REDIC1: variants seen among roughly 807,000 people sequenced by gnomAD.
REDIC1 encodes HEI10 Interacting Protein 1.
the REDIC1 span, among the ~76,000 whole-genome samples, chr12:39,888,926 T>C: frequency 6.6e-5 from 10 of 152,204 alleles, no homozygotes; most frequent in African/African-American, 2.4e-4. Context: ...TTCAAATAAA[T>C]ATATAATAGT....
chr12:39,820,925 G>A, the REDIC1 span, among the ~76,000 whole-genome samples: 1 of 151,392 alleles, frequency 6.6e-6, no homozygotes, highest in Non-Finnish European at 1.5e-5. Flanking sequence ...TGAACCTAAA[G>A]CCACTCACAT....
At chr12:39,790,303 C>G in the REDIC1 span, among the ~76,000 whole-genome samples, 1 of 150,966 alleles carries the variant, frequency 6.6e-6, no homozygotes, top group African/African-American at 2.4e-5. Flanking sequence ...ATGTGCTGTG[C>G]TGGTGCGCTG....
the REDIC1 span, among the ~76,000 whole-genome samples, chr12:39,690,859 T>A: frequency 6.6e-6 from 1 of 152,198 alleles, no homozygotes; most frequent in Non-Finnish European, 1.5e-5. Context: ...TAGTGTCTTG[T>A]CCTTTAGGAA....
chr12:39,711,591 A>ATACACATGCATGTG, the REDIC1 span, among the ~76,000 whole-genome samples: 35 of 26,062 alleles, frequency 1.3e-3, 1 homozygote, highest in Admixed American at 2.4e-3. Flanking sequence ...ATGCATGTGT[A>ATACACATGCATGTG]TATGTGTATA....
At chr12:39,713,106 CG>C in the REDIC1 span, among the ~76,000 whole-genome samples, 1 of 147,548 alleles carries the variant, frequency 6.8e-6, no homozygotes, top group Non-Finnish European at 1.5e-5. Flanking sequence ...TGTGCATATA[CG>C]TATATATGTA....
the REDIC1 span, chr12:39,760,340 C>CTGG: frequency 8.1e-7 from 1 of 1,241,838 alleles, no homozygotes; most frequent in Admixed American, 2.3e-5. Context: ...CTTTTTTTTT[C>CTGG]TGGTCAGTCA....
At chr12:39,704,493 C>G in the REDIC1 span, among the ~76,000 whole-genome samples, 1 of 152,286 alleles carries the variant, frequency 6.6e-6, no homozygotes, top group Admixed American at 6.5e-5. Flanking sequence ...ACTAGTTCAA[C>G]CATTGTAGAA....
At chr12:39,706,568 A>G in the REDIC1 span, among the ~76,000 whole-genome samples, 19 of 152,020 alleles carry the variant, frequency 1.2e-4, no homozygotes, top group African/African-American at 3.9e-4. Flanking sequence ...CTACAGAACT[A>G]TAGTAACCAA....
the REDIC1 span, chr12:39,647,006 C>T: frequency 3.4e-4 from 199 of 591,650 alleles, 2 homozygotes; most frequent in African/African-American, 3.3e-3. Flanking sequence ...GTCTTTAATT[C>T]TTTTAAAAGC....
chr12:39,654,484 A>G, the REDIC1 span, among the ~76,000 whole-genome samples: 162 of 152,078 alleles, frequency 1.1e-3, 1 homozygote, highest in African/African-American at 3.6e-3. Flanking sequence ...GCTACTCGGG[A>G]GCCTGAGGCA....
At chr12:39,853,145 G>A in the REDIC1 span, among the ~76,000 whole-genome samples, 1 of 152,096 alleles carries the variant, frequency 6.6e-6, no homozygotes, top group Admixed American at 6.6e-5. Flanking sequence ...TCCTCCACCA[G>A]TAACAAAGCC....
the REDIC1 span, among the ~76,000 whole-genome samples, chr12:39,779,687 T>C: frequency 6.6e-6 from 1 of 152,256 alleles, no homozygotes; most frequent in Non-Finnish European, 1.5e-5. Context: ...TTTCTTGACC[T>C]CTAAGAAATC....
chr12:39,711,305 T>A, the REDIC1 span, among the ~76,000 whole-genome samples: 1 of 146,998 alleles, frequency 6.8e-6, no homozygotes. Context: ...ATAACATATA[T>A]GTGTATATAT....
the REDIC1 span, among the ~76,000 whole-genome samples, chr12:39,806,703 T>C: frequency 6.6e-6 from 1 of 152,218 alleles, no homozygotes; most frequent in Non-Finnish European, 1.5e-5. Context: ...ATCTTATTAT[T>C]TGAGAATTCT....
the REDIC1 span, among the ~76,000 whole-genome samples, chr12:39,806,821 C>G: frequency 4.6e-5 from 7 of 152,078 alleles, no homozygotes; most frequent in Non-Finnish European, 8.8e-5. Flanking sequence ...AAATTGGAAA[C>G]AACCCATGTC....
the REDIC1 span, among the ~76,000 whole-genome samples, chr12:39,630,971 A>G: frequency 2.0e-5 from 3 of 152,176 alleles, no homozygotes; most frequent in South Asian, 2.1e-4. Context: ...TTTTTTAACT[A>G]AATATAAACT....
chr12:39,736,217 A>G, the REDIC1 span, among the ~76,000 whole-genome samples: 2 of 152,226 alleles, frequency 1.3e-5, no homozygotes, highest in Admixed American at 1.3e-4. Context: ...TGGCTGGATT[A>G]CAGAATTTTT....
the REDIC1 span, among the ~76,000 whole-genome samples, chr12:39,812,164 C>T: frequency 6.6e-6 from 1 of 151,958 alleles, no homozygotes; most frequent in African/African-American, 2.4e-5. Flanking sequence ...GGGTCTGCTC[C>T]CTGGTTCATA....
At chr12:39,711,895 A>T in the REDIC1 span, among the ~76,000 whole-genome samples, 1 of 71,756 alleles carries the variant, frequency 1.4e-5, no homozygotes, top group Admixed American at 1.4e-4. Context: ...GTATGTGTAT[A>T]CACGTATACA....
Sources: gnomAD v4.1 joint callset for allele counts (sites outside exome capture counted in the v4.1 genomes callset) on GRCh38, gnomAD v4.1.1 for gene constraint, MANE v1.5 for transcripts, NCBI Gene and HGNC (gene_info 2026-07-23, HGNC 2026-07-21) for gene names.